MYO3B: variants seen among roughly 807,000 people sequenced by gnomAD.
MYO3B encodes the protein myosin-IIIb.
A neutral mutation model predicts 174.6 loss-of-function variants in MYO3B; 156 were observed. The ratio of observed to expected loss-of-function variants is 0.89; its 90% CI spans 0.78 to 1.02. The LOEUF (loss-of-function observed/expected upper bound fraction) is 1.02, where lower values mean the gene tolerates loss of function less well. MYO3B is among the 50% of genes least tolerant of loss of function. MYO3B has a pLI of 0.00. For missense variants in MYO3B, 1,632 were observed against 1,639.4 expected (o/e 1.00, Z 0.08); for synonymous variants, 563 against 569.1 (o/e 0.99, Z 0.15).
At chr2:170,439,204 C>G (rs181740262) in intron 22 of MYO3B, among the ~76,000 whole-genome samples, 6 of 151,174 alleles carry the variant, frequency 4.0e-5, no homozygotes, top group Admixed American at 4.0e-4. Context: ...AAACCCGTCT[C>G]TACTAAAAAT....
rs532778966 is a variant in MYO3B, at chr2:170,614,700, G to A, written c.3734-36928G>A. 5.3e-5 allele frequency among the ~76,000 whole-genome samples: 8 copies of A among 152,278 alleles called. 1 individual carries two copies. The South Asian group carries it at 1.5e-3, about 28-fold the overall frequency. ...GTGATGTTGATGCTGCTGGTCCAAAGCCCAGCATCTATAGCATAAGGCTTT... is the reference window on the plus strand; with the variant it reads ...GTGATGTTGATGCTGCTGGTCCAAAACCCAGCATCTATAGCATAAGGCTTT... On this transcript the variant is annotated intron_variant, in intron 32 of 34. Coordinates refer to ENST00000408978, the MANE Select transcript of MYO3B (RefSeq NM_138995.5).
At chr2:170,543,086 G>A (rs2106204794) in intron 31 of MYO3B, 120 bp downstream of exon 31, 1 of 762,872 alleles carries the variant, frequency 1.3e-6, no homozygotes, top group South Asian at 2.4e-5. Flanking sequence ...GAAACTGTTA[G>A]TGATATTTTG....
chr2:170,515,868 G>A (rs779868094), intron 29 of MYO3B, among the ~76,000 whole-genome samples: 1 of 151,996 alleles, frequency 6.6e-6, no homozygotes, highest in African/African-American at 2.4e-5. Context: ...TTTACCTTGG[G>A]GCAAGGAGGT....
At chr2:170,580,955 T>C (rs1447011919) in intron 32 of MYO3B, among the ~76,000 whole-genome samples, 1 of 152,198 alleles carries the variant, frequency 6.6e-6, no homozygotes, top group African/African-American at 2.4e-5. Flanking sequence ...GATTTCTCGC[T>C]ATTATAAATG....
At chr2:170,442,626 A>G (rs192538580) in intron 22 of MYO3B, among the ~76,000 whole-genome samples, 2 of 151,790 alleles carry the variant, frequency 1.3e-5, no homozygotes, top group Admixed American at 1.3e-4. Context: ...TACATTAGGT[A>G]TATCTCCTAA....
At chr2:170,577,338 G>T (rs1194887788) in intron 32 of MYO3B, among the ~76,000 whole-genome samples, 3 of 152,128 alleles carry the variant, frequency 2.0e-5, no homozygotes, top group African/African-American at 7.2e-5. Context: ...TCTGTAGCTG[G>T]TTCATGTTCA....
chr2:170,452,744 A>C (rs1683668590), intron 23 of MYO3B, among the ~76,000 whole-genome samples: 1 of 152,222 alleles, frequency 6.6e-6, no homozygotes, highest in Non-Finnish European at 1.5e-5. Context: ...TTTATTTACA[A>C]GATTTAGAAT....
chr2:170,193,436 C>G (rs1215000710), intron 1 of MYO3B, among the ~76,000 whole-genome samples: 1 of 151,920 alleles, frequency 6.6e-6, no homozygotes, highest in African/African-American at 2.4e-5. Flanking sequence ...GTTATAGACT[C>G]TTGAACAGTT....
At chr2:170,183,943 C>T (rs11676415) in intron 1 of MYO3B, among the ~76,000 whole-genome samples, 64,957 of 151,820 alleles carry the variant, frequency 0.43, 15,138 homozygotes, top group East Asian at 0.56. Flanking sequence ...AATGGTGTTT[C>T]ATACTTTGAT....
At chr2:170,502,626 T>C (rs984801015) in intron 28 of MYO3B, among the ~76,000 whole-genome samples, 1 of 152,108 alleles carries the variant, frequency 6.6e-6, no homozygotes, top group African/African-American at 2.4e-5. Flanking sequence ...GCTGGGCTCC[T>C]TCCCTCATTT....
chr2:170,652,080 G>A, intron 33 of MYO3B, 28 bp from the exon 34 acceptor site: 2 of 1,603,638 alleles, frequency 1.2e-6, no homozygotes, highest in Non-Finnish European at 1.7e-6. Flanking sequence ...GCTTTGCTTT[G>A]ACTGTGTGTT....
chr2:170,312,100 A>G (rs756870362), intron 7 of MYO3B, among the ~76,000 whole-genome samples: 10 of 152,140 alleles, frequency 6.6e-5, no homozygotes, highest in Non-Finnish European at 1.3e-4. Flanking sequence ...GCTCCTGACT[A>G]TGTCTTATTT....
chr2:170,374,487 G>A (rs2094273960), intron 9 of MYO3B, among the ~76,000 whole-genome samples: 2 of 152,116 alleles, frequency 1.3e-5, no homozygotes, highest in African/African-American at 4.8e-5. Flanking sequence ...AGAAAGAAAT[G>A]TTTTTTAAGT....
At chr2:170,236,626 C>T (rs777811272) in intron 7 of MYO3B, among the ~76,000 whole-genome samples, 1 of 152,072 alleles carries the variant, frequency 6.6e-6, no homozygotes, top group African/African-American at 2.4e-5. Flanking sequence ...GAAAATTGTG[C>T]GGAAAGAGGT....
intron 25 of MYO3B, among the ~76,000 whole-genome samples, chr2:170,491,857 C>T (rs1463024332): frequency 2.0e-5 from 3 of 152,082 alleles, no homozygotes; most frequent in Non-Finnish European, 4.4e-5. Flanking sequence ...AGTTCAAGAC[C>T]AGCCTGGTCA....
In MYO3B at chr2:170,409,925, G is replaced by C. The variant is rs145889673; in HGVS notation, c.2650+2081G>C. On this transcript the variant is annotated intron_variant, in intron 22 of 34. Coordinates refer to ENST00000408978, the MANE Select transcript of MYO3B (RefSeq NM_138995.5). ...ACGTTCATAGTCTATATTTTTGGGG[G>C]TTATTATGTTACAGCCTTTGAAGAT... Among the ~76,000 whole-genome samples, 13 of 152,280 alleles carry C rather than the reference G, an allele frequency of 8.5e-5. No homozygotes were observed. The East Asian group carries it at 2.3e-3, about 27-fold the overall frequency.
chr2:170,625,028 T>C (rs1335739476), intron 32 of MYO3B, among the ~76,000 whole-genome samples: 6 of 152,218 alleles, frequency 3.9e-5, no homozygotes, highest in African/African-American at 1.2e-4. Flanking sequence ...TAAAATTCTC[T>C]TGTTTTGTTG....
At chr2:170,501,944 G>C in intron 28 of MYO3B, 79 bp downstream of exon 28, 1 of 1,017,504 alleles carries the variant, frequency 9.8e-7, no homozygotes, top group Non-Finnish European at 1.5e-6. Flanking sequence ...AAAGCTGAAA[G>C]GTTAATAATT....
At chr2:170,420,572 CAG>C (rs148609244) in intron 22 of MYO3B, among the ~76,000 whole-genome samples, 329 of 152,298 alleles carry the variant, frequency 2.2e-3, no homozygotes, top group African/African-American at 7.4e-3. Flanking sequence ...GGCAATGATA[CAG>C]AGAGTCCCTT....
Sources: gnomAD v4.1 joint callset for allele counts (sites outside exome capture counted in the v4.1 genomes callset) on GRCh38, gnomAD v4.1.1 for gene constraint, MANE v1.5 for transcripts, NCBI Gene and HGNC (gene_info 2026-07-23, HGNC 2026-07-21) for gene names.